NCKAP5: variants seen among roughly 807,000 people sequenced by gnomAD.
NCKAP5 encodes the protein NCK associated protein 5.
NCKAP5 carries 92 observed loss-of-function variants against 167.0 expected under a neutral mutation model. The ratio of observed to expected loss-of-function variants is 0.55; its 90% confidence interval spans 0.47 to 0.66. The LOEUF is 0.66. Among genes scored for constraint, NCKAP5 ranks in the 30% least tolerant of loss-of-function variants. The pLI, the probability that NCKAP5 is intolerant of heterozygous loss-of-function variation, is 0.00. For missense variants in NCKAP5, 2,378 were observed against 2,315.0 expected (o/e 1.03, Z -0.56); for synonymous variants, 891 against 877.4 (o/e 1.02, Z -0.27).
intron 16 of NCKAP5, among the ~76,000 whole-genome samples, chr2:132,735,746 A>G (rs898996303): frequency 6.6e-6 from 1 of 152,204 alleles, no homozygotes; most frequent in Non-Finnish European, 1.5e-5. Flanking sequence ...AAGAATCTTG[A>G]CAGCCTTTTT....
At chr2:132,789,562 G>A (rs1178154361) in intron 13 of NCKAP5, among the ~76,000 whole-genome samples, 1 of 152,086 alleles carries the variant, frequency 6.6e-6, no homozygotes, top group Non-Finnish European at 1.5e-5. Flanking sequence ...TCTGATCCGG[G>A]GTTTCTATTC....
At chr2:133,581,502 G>A in the NCKAP5 span, among the ~76,000 whole-genome samples, 1 of 152,218 alleles carries the variant, frequency 6.6e-6, no homozygotes, top group Non-Finnish European at 1.5e-5. Context: ...CAAACCAACT[G>A]TGACAGGTTC....
intron 4 of NCKAP5, among the ~76,000 whole-genome samples, chr2:133,263,580 T>C (rs941837478): frequency 1.3e-5 from 2 of 152,090 alleles, no homozygotes; most frequent in African/African-American, 2.4e-5. Flanking sequence ...TCAGCTAGCA[T>C]TATAAAAACC....
At chr2:132,903,068 G>A (rs1693748519) in intron 8 of NCKAP5, among the ~76,000 whole-genome samples, 1 of 152,166 alleles carries the variant, frequency 6.6e-6, no homozygotes, top group African/African-American at 2.4e-5. Flanking sequence ...AGTAAAAACA[G>A]TACCTGGATC....
chr2:133,366,419 C>T (rs1307551923), intron 3 of NCKAP5, among the ~76,000 whole-genome samples: 1 of 152,138 alleles, frequency 6.6e-6, no homozygotes, highest in Non-Finnish European at 1.5e-5. Context: ...TCTTCTGCCT[C>T]AACCTCCCGA....
At chr2:132,781,522 C>T (rs931387787) in intron 14 of NCKAP5, among the ~76,000 whole-genome samples, 3 of 152,126 alleles carry the variant, frequency 2.0e-5, no homozygotes, top group African/African-American at 7.2e-5. Flanking sequence ...AGCTTAAGAG[C>T]AGCAAGAAAT....
intron 16 of NCKAP5, among the ~76,000 whole-genome samples, chr2:132,764,985 A>G (rs1681330681): frequency 6.6e-6 from 1 of 152,216 alleles, no homozygotes; most frequent in Non-Finnish European, 1.5e-5. Flanking sequence ...ACTTTAATTG[A>G]TTGGCAGCTA....
intron 3 of NCKAP5, among the ~76,000 whole-genome samples, chr2:133,409,334 A>G (rs10171952): frequency 0.12 from 18,610 of 152,236 alleles, 1,291 homozygotes; most frequent in Non-Finnish European, 0.16. Context: ...CTTTACTGAA[A>G]GGTTTCCTAG....
chr2:132,792,971 C>T (rs1684190949), intron 12 of NCKAP5, among the ~76,000 whole-genome samples: 1 of 152,106 alleles, frequency 6.6e-6, no homozygotes, highest in Non-Finnish European at 1.5e-5. Flanking sequence ...CTGCTTCTCC[C>T]TTGGCCTTGA....
At chr2:133,365,443 G>T (rs149083335) in intron 3 of NCKAP5, among the ~76,000 whole-genome samples, 16 of 151,954 alleles carry the variant, frequency 1.1e-4, no homozygotes, top group Non-Finnish European at 1.8e-4. Context: ...GACTCTGGTT[G>T]CCTGTCCTAC....
At chr2:133,090,247 A>C (rs1240592405) in intron 6 of NCKAP5, among the ~76,000 whole-genome samples, 1 of 151,790 alleles carries the variant, frequency 6.6e-6, no homozygotes, top group Non-Finnish European at 1.5e-5. Flanking sequence ...TAACCCCAGA[A>C]CTCTTTGCAG....
At chr2:132,898,284 T>C (rs1025232741) in intron 8 of NCKAP5, among the ~76,000 whole-genome samples, 8 of 152,236 alleles carry the variant, frequency 5.3e-5, no homozygotes, top group African/African-American at 1.9e-4. Flanking sequence ...TTCAGTCACA[T>C]CCTCAAGCTC....
chr2:132,909,510 G>A (rs929751511), intron 8 of NCKAP5, among the ~76,000 whole-genome samples: 12 of 152,170 alleles, frequency 7.9e-5, no homozygotes, highest in Middle Eastern at 6.8e-3. Flanking sequence ...AAATGAAGAC[G>A]GTATTATCTT....
the NCKAP5 span, among the ~76,000 whole-genome samples, chr2:133,594,624 A>ACCATTTTC: frequency 6.6e-6 from 1 of 152,148 alleles, no homozygotes; most frequent in Admixed American, 6.6e-5. Flanking sequence ...TAGTCATTAA[A>ACCATTTTC]CCATTTTCTG....
At chr2:132,905,497 T>C (rs1175506435) in intron 8 of NCKAP5, among the ~76,000 whole-genome samples, 1 of 152,180 alleles carries the variant, frequency 6.6e-6, no homozygotes, top group African/African-American at 2.4e-5. Context: ...CTCCTCTAAT[T>C]CTACTGATTT....
chr2:133,060,641 A>G (rs771118551), intron 6 of NCKAP5, among the ~76,000 whole-genome samples: 1 of 152,138 alleles, frequency 6.6e-6, no homozygotes, highest in Non-Finnish European at 1.5e-5. Flanking sequence ...AGTAAAATTG[A>G]ATGGAGATTT....
intron 4 of NCKAP5, among the ~76,000 whole-genome samples, chr2:133,223,549 T>C (rs987779007): frequency 6.6e-6 from 1 of 152,106 alleles, no homozygotes; most frequent in African/African-American, 2.4e-5. Flanking sequence ...TAATTACTCA[T>C]CCCCTCTGAC....
Position 133,018,925 on chromosome 2 carries a change from T to C in NCKAP5, c.342-24686A>G, listed in dbSNP as rs544281477. On this transcript the variant is annotated intron_variant, in intron 6 of 19. Coordinates refer to ENST00000409261, the MANE Select transcript of NCKAP5 (RefSeq NM_207363.3). ...AAAGACTTTCTACCCTTTAGCCTTG[T>C]TGCTATTTAAAAGTCAACCATTAGA... Among the ~76,000 whole-genome samples, 10 of 152,364 alleles carry C rather than the reference T, an allele frequency of 6.6e-5. No individual in the cohort carries two copies. In the East Asian group the frequency reaches 1.7e-3, roughly 26 times the overall value.
chr2:132,744,176 C>T (rs955669469), intron 16 of NCKAP5, among the ~76,000 whole-genome samples: 1 of 151,642 alleles, frequency 6.6e-6, no homozygotes, highest in African/African-American at 2.4e-5. Context: ...TAATTTAAAA[C>T]TTTGACCAAT....
Sources: allele counts gnomAD v4.1 joint callset (sites outside exome capture counted in the v4.1 genomes callset), GRCh38; gene constraint gnomAD v4.1.1; transcripts MANE v1.5; gene names NCBI Gene and HGNC (gene_info 2026-07-23, HGNC 2026-07-21).